The following WWC2 variants were observed in gnomAD, a reference collection of about 807,000 sequenced individuals.
WWC2 encodes WW and C2 domain containing 2.
Under a neutral mutation model 138.5 loss-of-function variants are expected in WWC2, and 101 were observed. The observed-to-expected ratio is 0.73, with a 90% CI of 0.62 to 0.86. The LOEUF (loss-of-function observed/expected upper bound fraction) is 0.86, where lower values mean the gene tolerates loss of function less well. WWC2 is among the 40% of genes least tolerant of loss of function. The pLI is 0.00. For synonymous variants in WWC2, 558 were observed against 538.4 expected, an observed-to-expected ratio of 1.04 and a Z score of -0.50; for missense variants, 1,420 against 1,419.4, an observed-to-expected ratio of 1.00 and a Z score of -0.01.
rs1001078414 is a variant in WWC2 at position 183,318,691 on chromosome 4, A to G, written c.*2962A>G. 1 of 152,208 alleles carries G rather than the reference A, an allele frequency of 6.6e-6. No homozygotes were observed. Among genetic ancestry groups the G allele is most frequent in the Non-Finnish European group, 1.5e-5 (1 of 68,036 alleles). 9.4% of individuals were successfully genotyped at this position (152,208 alleles called of 1,614,324 possible). A position where few individuals can be genotyped will look rare whatever the true frequency, so the allele number is the denominator to read the frequency against. On this transcript the variant is annotated 3_prime_UTR_variant, in exon 23 of 23. Coordinates refer to ENST00000403733, the MANE Select transcript of WWC2 (RefSeq NM_024949.6). ...AATAGTTCTTGTTGGAACTATATGT[A>G]TTGCTGATAAAAAAGGACGAAGTAT...
chr4:183,173,518 A>G (rs928038178), intron 1 of WWC2, among the ~76,000 whole-genome samples: 9 of 151,852 alleles, frequency 5.9e-5, no homozygotes, highest in Non-Finnish European at 1.2e-4. Flanking sequence ...TGCGTTTGAG[A>G]TAAGTAATAC....
chr4:183,121,793 T>C (rs538803960), intron 1 of WWC2, among the ~76,000 whole-genome samples: 2 of 151,294 alleles, frequency 1.3e-5, no homozygotes, highest in Non-Finnish European at 3.0e-5. Context: ...AGCTTTTTTT[T>C]TTTTTTTTTT....
At chr4:183,220,602 A>G (rs538832092) in intron 4 of WWC2, among the ~76,000 whole-genome samples, 1 of 152,100 alleles carries the variant, frequency 6.6e-6, no homozygotes, top group Non-Finnish European at 1.5e-5. Context: ...TGGGAGGTCA[A>G]GGTGGGCAGA....
intron 12 of WWC2, 61 bp from the exon 13 acceptor site, chr4:183,265,627 G>A: frequency 6.6e-7 from 1 of 1,512,232 alleles, no homozygotes; most frequent in South Asian, 1.2e-5. Flanking sequence ...GTGGCAAACT[G>A]TTAACCATAA....
intron 8 of WWC2, among the ~76,000 whole-genome samples, chr4:183,250,213 T>C (rs532026838): frequency 1.5e-5 from 2 of 137,790 alleles, no homozygotes; most frequent in African/African-American, 5.5e-5. Flanking sequence ...GGAGAATTAG[T>C]GAGAAGTATA....
In WWC2 at chr4:183,282,858, C is replaced by T. The variant is rs1170069060; in HGVS notation, c.2835C>T (p.Asn945=). 1 of 1,592,274 alleles carries T rather than the reference C, an allele frequency of 6.3e-7. No individual in the cohort carries two copies. The highest frequency in any genetic ancestry group is 8.6e-7 in the Non-Finnish European group (1 of 1,168,914). ...AAGACGGGAACAGGAAAGAAAGCAA[C>T]TGTGCCAAAGACCTCAGAAGTCAGC... The part of the protein sequence containing the change: ...MNEDGNRKES[N]CAKDLRSQPP... The change falls in exon 18 of 23, where the codon AAC becomes AAT. Residue 945 remains asparagine, a synonymous_variant. Coordinates refer to ENST00000403733, the MANE Select transcript of WWC2 (RefSeq NM_024949.6).
intron 22 of WWC2, among the ~76,000 whole-genome samples, chr4:183,314,026 A>G (rs749878694): frequency 6.6e-5 from 10 of 152,056 alleles, no homozygotes; most frequent in Non-Finnish European, 1.2e-4. Context: ...AGTGTGGGGA[A>G]GCTAGGTCAC....
intron 8 of WWC2, among the ~76,000 whole-genome samples, chr4:183,253,376 AC>A (rs1336663847): frequency 5.3e-5 from 8 of 150,616 alleles, no homozygotes; most frequent in East Asian, 2.0e-4. Context: ...TTTAAAGGGA[AC>A]CCCCCAGGCA....
chr4:183,233,819 G>C (rs1048505503), intron 4 of WWC2: 1 of 152,196 alleles, frequency 6.6e-6, no homozygotes, highest in African/African-American at 2.4e-5. Context: ...AGATGAAGTA[G>C]GTGTTGAGGA....
At chr4:183,308,769 T>C (rs564619651) in intron 21 of WWC2, among the ~76,000 whole-genome samples, 2 of 152,284 alleles carry the variant, frequency 1.3e-5, no homozygotes, top group African/African-American at 4.8e-5. Flanking sequence ...TTAATGACAG[T>C]AGTAATACAG....
intron 21 of WWC2, among the ~76,000 whole-genome samples, chr4:183,310,565 A>G (rs1180760005): frequency 6.6e-6 from 1 of 152,028 alleles, no homozygotes; most frequent in Non-Finnish European, 1.5e-5. Flanking sequence ...TGCAGCGGTG[A>G]TCATAGCTCA....
intron 14 of WWC2, among the ~76,000 whole-genome samples, chr4:183,268,642 A>C (rs1049519278): frequency 3.3e-5 from 5 of 152,152 alleles, no homozygotes; most frequent in Non-Finnish European, 7.4e-5. Flanking sequence ...TTATTTTGGA[A>C]TTGGCTGTCC....
At chr4:183,225,481 A>G (rs1263589457) in intron 4 of WWC2, among the ~76,000 whole-genome samples, 1 of 152,242 alleles carries the variant, frequency 6.6e-6, no homozygotes, top group Non-Finnish European at 1.5e-5. Flanking sequence ...TTTTGTATCA[A>G]AGTAATTCCA....
rs191457031 is a variant in WWC2 at position 183,153,613 on chromosome 4, T to G, written c.132-39986T>G. ...TTTTAACTAATAATTGAAATGTCAG[T>G]TTTTAGTAAACATTATTGCCCTAGA... is the stretch of plus-strand genomic sequence containing the variant. On this transcript the variant is annotated intron_variant, in intron 1 of 22. Coordinates refer to ENST00000403733, the MANE Select transcript of WWC2 (RefSeq NM_024949.6). Among the ~76,000 whole-genome samples the G allele has an allele frequency of 4.4e-4, 67 of 152,132 alleles. 1 individual carries two copies. In the East Asian group the frequency reaches 0.01, roughly 23 times the overall value.
At chr4:183,197,024 T>C (rs1735164717) in intron 2 of WWC2, among the ~76,000 whole-genome samples, 1 of 152,236 alleles carries the variant, frequency 6.6e-6, no homozygotes, top group Non-Finnish European at 1.5e-5. Flanking sequence ...TATGTTTTCA[T>C]CGCTGGGCAA....
At chr4:183,165,944 C>T (rs571869834) in intron 1 of WWC2, among the ~76,000 whole-genome samples, 1 of 152,122 alleles carries the variant, frequency 6.6e-6, no homozygotes, top group Non-Finnish European at 1.5e-5. Flanking sequence ...TATGGAGTCC[C>T]CAGAGTAGTA....
intron 8 of WWC2, among the ~76,000 whole-genome samples, chr4:183,250,710 G>A (rs1304391697): frequency 6.6e-6 from 1 of 152,082 alleles, no homozygotes; most frequent in African/African-American, 2.4e-5. Flanking sequence ...TGATACATTT[G>A]ATTTCATTAT....
rs1739437658 is a variant in WWC2, at chr4:183,316,282, TG to T, written c.*555del. 1 of 152,524 alleles carries T rather than the reference TG, an allele frequency of 6.6e-6. No individual in the cohort carries two copies. Among genetic ancestry groups the T allele is most frequent in the African/African-American group, 2.4e-5 (1 of 41,470 alleles). The allele number at this position is 152,524 out of a possible 1,614,324, so 9.4% of individuals were successfully genotyped here. A position where few individuals can be genotyped will look rare whatever the true frequency, so the allele number is the denominator to read the frequency against. ...CGGCCATCACCTGTGCGGGAACACC[TG>T]GTTTCCTTAAGACAATTTCCTTTTT... is the stretch of plus-strand genomic sequence containing the variant. On this transcript the variant is annotated 3_prime_UTR_variant, in exon 23 of 23. Coordinates refer to ENST00000403733, the MANE Select transcript of WWC2 (RefSeq NM_024949.6).
chr4:183,146,438 A>G (rs967046364), intron 1 of WWC2, among the ~76,000 whole-genome samples: 13 of 152,228 alleles, frequency 8.5e-5, no homozygotes, highest in Non-Finnish European at 1.6e-4. Flanking sequence ...CAGAACAGCT[A>G]GTTTTTTAAA....
Sources: gnomAD v4.1 joint callset for allele counts (sites outside exome capture counted in the v4.1 genomes callset) on GRCh38, gnomAD v4.1.1 for gene constraint, MANE v1.5 for transcripts, NCBI Gene and HGNC (gene_info 2026-07-23, HGNC 2026-07-21) for gene names.